ZC3H12B: variants seen among roughly 807,000 people sequenced by gnomAD.
The protein encoded by ZC3H12B is probable ribonuclease ZC3H12B.
A neutral mutation model predicts 43.9 loss-of-function variants in ZC3H12B; 7 were observed. That is an observed-to-expected ratio of 0.16 (90% confidence interval 0.09 to 0.30). The LOEUF is 0.30. Among genes scored for constraint, ZC3H12B ranks in the 10% least tolerant of loss-of-function variants. ZC3H12B has a pLI of 1.00. For missense variants in ZC3H12B, 475 were observed against 670.2 expected, an observed-to-expected ratio of 0.71 and a Z score of 3.22; for synonymous variants, 222 against 241.7, an observed-to-expected ratio of 0.92 and a Z score of 0.76.
chrX:65,358,611 A>T, the ZC3H12B span, among the ~76,000 whole-genome samples: 1 of 111,652 alleles, frequency 9.0e-6, no homozygotes, highest in Admixed American at 9.5e-5. Flanking sequence ...TTAAGGCAGA[A>T]ATAAAGATGT....
At chrX:65,166,869 G>A in the ZC3H12B span, among the ~76,000 whole-genome samples, 28 of 110,838 alleles carry the variant, frequency 2.5e-4, no homozygotes, top group African/African-American at 6.3e-4. Flanking sequence ...CATGTCTTTC[G>A]CCCACTTTTT....
chrX:65,446,623 G>A (rs2067380687), intron 3 of ZC3H12B, among the ~76,000 whole-genome samples: 1 of 111,793 alleles, frequency 8.9e-6, no homozygotes, highest in Admixed American at 9.5e-5. Context: ...TTTCCGCTGT[G>A]ACAGGATAGC....
the ZC3H12B span, among the ~76,000 whole-genome samples, chrX:65,251,986 G>T: frequency 8.9e-6 from 1 of 111,801 alleles, no homozygotes; most frequent in African/African-American, 3.3e-5. Flanking sequence ...AATAGGAGTG[G>T]TGAGAGAGGG....
chrX:65,154,575 G>T, the ZC3H12B span, among the ~76,000 whole-genome samples: 4 of 112,333 alleles, frequency 3.6e-5, no homozygotes, highest in East Asian at 5.6e-4. Context: ...ACACTTTTAA[G>T]ATTTCACCAT....
intron 2 of ZC3H12B, among the ~76,000 whole-genome samples, chrX:65,387,638 A>C: frequency 8.9e-6 from 1 of 111,888 alleles, no homozygotes; most frequent in African/African-American, 3.3e-5. Context: ...TAGTCCATTT[A>C]CATTTATGGT....
chrX:65,183,669 G>A, the ZC3H12B span, among the ~76,000 whole-genome samples: 1 of 111,763 alleles, frequency 8.9e-6, no homozygotes, highest in Non-Finnish European at 1.9e-5. Flanking sequence ...TGGAAATAAA[G>A]GTAGTAAAGA....
the ZC3H12B span, among the ~76,000 whole-genome samples, chrX:65,135,356 T>G: frequency 1.3e-4 from 14 of 110,825 alleles, no homozygotes; most frequent in South Asian, 1.1e-3. Flanking sequence ...GGTTGTTGTT[T>G]TTTTTTTCCT....
At chrX:65,323,660 G>T in the ZC3H12B span, among the ~76,000 whole-genome samples, 2 of 112,153 alleles carry the variant, frequency 1.8e-5, no homozygotes, top group Admixed American at 1.9e-4. Flanking sequence ...ACACATGTGT[G>T]CATGTGTCTT....
chrX:65,289,045 T>C, the ZC3H12B span, among the ~76,000 whole-genome samples: 1 of 110,298 alleles, frequency 9.1e-6, no homozygotes, highest in Non-Finnish European at 1.9e-5. Flanking sequence ...GGAGGTAAAA[T>C]ATCTGTGCAA....
chrX:65,299,102 A>C, the ZC3H12B span, among the ~76,000 whole-genome samples: 146 of 111,948 alleles, frequency 1.3e-3, no homozygotes, highest in African/African-American at 4.5e-3. Context: ...CCATATCAAC[A>C]GGTGACTGTA....
the ZC3H12B span, among the ~76,000 whole-genome samples, chrX:65,141,105 T>C: frequency 9.0e-6 from 1 of 111,108 alleles, no homozygotes; most frequent in East Asian, 2.8e-4. Flanking sequence ...ACAATGGGTT[T>C]TTTAAATCTT....
chrX:65,164,527 A>C, the ZC3H12B span, among the ~76,000 whole-genome samples: 1 of 111,611 alleles, frequency 9.0e-6, no homozygotes, highest in African/African-American at 3.3e-5. Context: ...AGGTGGTTTC[A>C]GTCCCTGAGA....
chrX:65,042,657 A>T, the ZC3H12B span, among the ~76,000 whole-genome samples: 3 of 112,237 alleles, frequency 2.7e-5, no homozygotes, highest in African/African-American at 9.7e-5. Flanking sequence ...CTTTACACAT[A>T]ATTTGTTTGT....
At chrX:65,477,395 AC>A (rs2068008268) in intron 3 of ZC3H12B, among the ~76,000 whole-genome samples, 1 of 111,339 alleles carries the variant, frequency 9.0e-6, no homozygotes, top group African/African-American at 3.3e-5. Flanking sequence ...ACACACACAC[AC>A]AACAGGAGTT....
At chrX:65,133,625 C>T in the ZC3H12B span, among the ~76,000 whole-genome samples, 2 of 110,798 alleles carry the variant, frequency 1.8e-5, no homozygotes, top group Non-Finnish European at 3.8e-5. Context: ...GAAACTAAGC[C>T]GGACTGGGTG....
chrX:65,142,454 T>C, the ZC3H12B span, among the ~76,000 whole-genome samples: 1 of 112,457 alleles, frequency 8.9e-6, no homozygotes, highest in Non-Finnish European at 1.9e-5. Flanking sequence ...CTCTACAGGT[T>C]GTCTGTTTAC....
intron 2 of ZC3H12B, among the ~76,000 whole-genome samples, chrX:65,381,991 C>T (rs1007211229): frequency 9.0e-5 from 10 of 111,639 alleles, no homozygotes; most frequent in African/African-American, 2.9e-4. Context: ...AGTCCAGGAC[C>T]AGATGGATTC....
the ZC3H12B span, among the ~76,000 whole-genome samples, chrX:65,150,897 C>T: frequency 1.8e-5 from 2 of 111,169 alleles, no homozygotes; most frequent in African/African-American, 3.3e-5. Flanking sequence ...ATGTACTCTT[C>T]CCTGCCTCCC....
chrX:65,121,389 G>T, the ZC3H12B span, among the ~76,000 whole-genome samples: 1 of 111,663 alleles, frequency 9.0e-6, no homozygotes, highest in African/African-American at 3.3e-5. Context: ...GAGGGTGCAT[G>T]TGTCAAGGAA....
Sources: gnomAD v4.1 joint callset for allele counts (sites outside exome capture counted in the v4.1 genomes callset) on GRCh38, gnomAD v4.1.1 for gene constraint, MANE v1.5 for transcripts, NCBI Gene and HGNC (gene_info 2026-07-23, HGNC 2026-07-21) for gene names.